The following SLC45A3 variants were observed in gnomAD, a reference collection of about 807,000 sequenced individuals.
The protein encoded by SLC45A3 is prostate cancer associated protein 2.
In SLC45A3, 17 loss-of-function variants were observed where a neutral mutation model predicts 35.3. The ratio of observed to expected loss-of-function variants is 0.48; its 90% CI spans 0.33 to 0.72. The LOEUF (loss-of-function observed/expected upper bound fraction) is 0.72. Ranked by LOEUF, SLC45A3 falls within the 30% of genes least tolerant of loss-of-function variation. The pLI, the probability that SLC45A3 is intolerant of heterozygous loss-of-function variation, is 0.02. For synonymous variants in SLC45A3, 288 were observed against 334.3 expected (o/e 0.86, Z 1.51); for missense variants, 597 against 731.7 (o/e 0.82, Z 2.12).
At chr1:205,675,669 G>A (rs143009508) in intron 1 of SLC45A3, among the ~76,000 whole-genome samples, 2 of 152,128 alleles carry the variant, frequency 1.3e-5, no homozygotes, top group African/African-American at 4.8e-5. Context: ...ATACCTCCAT[G>A]GGCACCCAAA....
chr1:205,673,607 C>G (rs1483391117), intron 1 of SLC45A3, among the ~76,000 whole-genome samples: 1 of 152,190 alleles, frequency 6.6e-6, no homozygotes, highest in Admixed American at 6.5e-5. Flanking sequence ...AAGAGTCAGA[C>G]CATGGTGCTG....
Position 205,659,436 on chromosome 1 carries a change from C to G in SLC45A3, c.1460G>C (p.Gly487Ala). 6.2e-7 allele frequency: 1 copy of G among 1,614,050 alleles called. No individual in the cohort carries two copies. The highest frequency in any genetic ancestry group is 8.5e-7 in the Non-Finnish European group (1 of 1,179,984). ...CAGGATGGCGAGGTCCAGGCAGATG[C>G]CCCGGCCCGGAACCACCCTGGCCTC... ...PTEARVVPGRGICLDLAILDS... is the reference protein window; with the variant it reads ...PTEARVVPGRAICLDLAILDS... The change falls in exon 5 of 5, where the codon GGC becomes GCC. Residue 487 changes from glycine (G) to alanine (A), a missense_variant. By Grantham distance (60) the Gly-to-Ala change is moderately conservative (BLOSUM62 0). Transcript: ENST00000367145. The surrounding 1 kb of genome is among the most constrained non-coding windows in gnomAD (Gnocchi z 5.8).
In SLC45A3 at chr1:205,663,202, C is replaced by T; in HGVS notation, c.589G>A (p.Glu197Lys). ...ALAPYLGTQE[E>K]CLFGLLTLIF... The stretch of plus-strand genomic sequence containing the variant: ...AGGGTGAGCAGGCCAAAGAGGCACT[C>T]CTCCTGGGTGCCCAGGTAGGGGGCC... The change falls in exon 3 of 5, where the codon GAG becomes AAG. Residue 197 changes from glutamate (E) to lysine (K), a missense_variant. By Grantham distance (56) the Glu-to-Lys change is moderately conservative (BLOSUM62 1). This residue lies in a region of SLC45A3 where 555 missense variants were observed against 664.9 expected (regional missense o/e 0.83). Coordinates refer to ENST00000367145, the MANE Select transcript of SLC45A3 (RefSeq NM_033102.3). 6.2e-7 allele frequency: 1 copy of T among 1,613,362 alleles called. No homozygotes were observed. Among genetic ancestry groups the T allele is most frequent in the Non-Finnish European group, 8.5e-7 (1 of 1,179,982 alleles).
In SLC45A3 at chr1:205,662,104, C is replaced by T; in HGVS notation, c.981G>A (p.Gly327=). 1 of 1,613,408 alleles carries T rather than the reference C, an allele frequency of 6.2e-7. No individual in the cohort carries two copies. The highest frequency in any genetic ancestry group is 8.5e-7 in the Non-Finnish European group (1 of 1,179,562). Residue 327 remains glycine (G), a synonymous_variant, in exon 4 of 5, where the codon GGG becomes GGA. Coordinates refer to ENST00000367145, the MANE Select transcript of SLC45A3 (RefSeq NM_033102.3). The surrounding 1 kb of genome is among the most constrained non-coding windows in gnomAD (Gnocchi z 6.2). ...GGGAGATGGCGCACTGCAGGAACAG[C>T]CCCAGGCTGCCCATCCGAACGCCTG... ...YDEGVRMGSL[G]LFLQCAISLV...
intron 1 of SLC45A3, among the ~76,000 whole-genome samples, chr1:205,668,282 A>T (rs1326131797): frequency 6.6e-6 from 1 of 151,256 alleles, no homozygotes; most frequent in Non-Finnish European, 1.5e-5. Flanking sequence ...ACCACAGAGG[A>T]CTCCTGAGCA....
In SLC45A3 at chr1:205,659,379, G is replaced by A. The variant is rs1444909734; in HGVS notation, c.1517C>T (p.Pro506Leu). The A allele has an allele frequency of 3.1e-6, 5 of 1,614,212 alleles. No individual in the cohort carries two copies. The South Asian group carries it at 4.4e-5, about 14-fold the overall frequency. Residue 506 changes from proline (P) to leucine (L), a missense_variant, in exon 5 of 5, where the codon CCA becomes CTA. Around this residue, in one of 3 missense-constraint regions of SLC45A3, gnomAD observed 555 missense variants for 664.9 expected, o/e 0.83. Transcript: ENST00000367145. The surrounding 1 kb of genome is among the most constrained non-coding windows in gnomAD (Gnocchi z 5.8). ...GACAATGGAGCCCATAAACAGGGAT[G>A]GGGCCACCTGGGACAGCAGGAAGGC... ...DSAFLLSQVA[P>L]SLFMGSIVQL...
In SLC45A3 at chr1:205,662,813, G is replaced by A; in HGVS notation, c.958+20C>T. On this transcript the variant is annotated intron_variant, in intron 3 of 4. Transcript: ENST00000367145. The surrounding 1 kb of genome is among the most constrained non-coding windows in gnomAD (Gnocchi z 6.2). ...GTGGGCGGCTCCCACACCAGCCTCT[G>A]CTGGCTGCCAAGGCCTTACCTTCAT... is the stretch of plus-strand genomic sequence containing the variant. 1 of 1,553,594 alleles carries A rather than the reference G, an allele frequency of 6.4e-7. No individual in the cohort carries two copies. The highest frequency in any genetic ancestry group is 8.7e-7 in the Non-Finnish European group (1 of 1,146,364).
intron 1 of SLC45A3, among the ~76,000 whole-genome samples, chr1:205,677,869 T>C (rs1401375273): frequency 1.3e-5 from 2 of 152,228 alleles, no homozygotes; most frequent in Non-Finnish European, 2.9e-5. Context: ...CGTAATTATA[T>C]GTTTATAAAT....
intron 1 of SLC45A3, among the ~76,000 whole-genome samples, chr1:205,677,244 C>T (rs1671328517): frequency 6.6e-6 from 1 of 152,170 alleles, no homozygotes; most frequent in South Asian, 2.1e-4. Context: ...AGGAGAGACA[C>T]GGACATCCAG....
chr1:205,662,598 C>CA lies in SLC45A3; in HGVS notation c.958+234dup. On this transcript the variant is annotated intron_variant, in intron 3 of 4. Transcript: ENST00000367145. The surrounding 1 kb of genome is among the most constrained non-coding windows in gnomAD (Gnocchi z 6.2). Reference sequence around the variant, plus strand: ...GAATAAGCTCCGCCTTTCCTTCTGTCAAACTGGGGCAACGACTCTGATCAG... The same window carrying CA: ...GAATAAGCTCCGCCTTTCCTTCTGTCAAAACTGGGGCAACGACTCTGATCAG... 1 of 1,335,088 alleles carries CA rather than the reference C, an allele frequency of 7.5e-7. No individual in the cohort carries two copies. Among genetic ancestry groups the CA allele is most frequent in the Non-Finnish European group, 9.5e-7 (1 of 1,047,782 alleles). The allele number at this position is 1,335,088 out of a possible 1,614,324, so 82.7% of individuals were successfully genotyped here. A position where few individuals can be genotyped will look rare whatever the true frequency, so the allele number is the denominator to read the frequency against.
At chr1:205,677,335 C>T (rs770730630) in intron 1 of SLC45A3, among the ~76,000 whole-genome samples, 11 of 152,252 alleles carry the variant, frequency 7.2e-5, no homozygotes, top group South Asian at 2.1e-4. Context: ...ATCTACGGGC[C>T]GATTCCCTTG....
At position 205,662,152 on chromosome 1, in the gene SLC45A3, C is replaced by A; in HGVS notation, c.959-26G>T. The A allele has an allele frequency of 1.2e-6, 2 of 1,602,692 alleles. No individual in the cohort carries two copies. The highest frequency in any genetic ancestry group is 8.5e-7 in the Non-Finnish European group (1 of 1,173,348). On this transcript the variant is annotated intron_variant, in intron 3 of 4. Transcript: ENST00000367145. This position sits in a 1 kb window ranked among gnomAD's most constrained non-coding sequence, Gnocchi z 6.2. ...CTGCAGAGGGAGAGGGGCCATCAGA[C>A]AGAGCCTGGGAGGGAAGGGTCGGAG... is the stretch of plus-strand genomic sequence containing the variant.
intron 4 of SLC45A3, among the ~76,000 whole-genome samples, chr1:205,661,150 G>C (rs968804103): frequency 2.0e-5 from 3 of 152,160 alleles, no homozygotes; most frequent in Non-Finnish European, 4.4e-5. Context: ...CACTACCTGG[G>C]TTAGGTGGCT....
chr1:205,659,512 C>T lies in SLC45A3; in HGVS notation c.1384G>A (p.Gly462Arg), dbSNP rs774087128. The T allele has an allele frequency of 5.6e-6, 9 of 1,612,032 alleles. No homozygotes were observed. Among genetic ancestry groups the T allele is most frequent in the East Asian group, 2.2e-5 (1 of 44,834 alleles). The change falls in exon 5 of 5, where the codon GGG becomes AGG. Residue 462 changes from glycine (G) to arginine (R), a missense_variant. Physicochemically the swap from Gly to Arg is moderately radical, Grantham distance 125. Transcript: ENST00000367145. This position sits in a 1 kb window ranked among gnomAD's most constrained non-coding sequence, Gnocchi z 5.8. Reference sequence around the variant, plus strand: ...ACGGAGACATCACAGGCAGAGGCCCCGCAGAGCGCGGGTGGAGGTGGGAGC... The same window carrying T: ...ACGGAGACATCACAGGCAGAGGCCCTGCAGAGCGCGGGTGGAGGTGGGAGC... Reference protein sequence around the residue: ...GLLPPPPALCGASACDVSVRV... With the variant: ...GLLPPPPALCRASACDVSVRV...
chr1:205,670,753 C>G (rs1259876378), intron 1 of SLC45A3, among the ~76,000 whole-genome samples: 1 of 152,226 alleles, frequency 6.6e-6, no homozygotes, highest in Non-Finnish European at 1.5e-5. Flanking sequence ...CCATCAAACT[C>G]TCTCCGGCTG....
Position 205,674,996 on chromosome 1 carries a change from G to T in SLC45A3, c.-231+5398C>A, listed in dbSNP as rs577180137. 2.6e-5 allele frequency among the ~76,000 whole-genome samples: 4 copies of T among 152,324 alleles called. No individual in the cohort carries two copies. In the South Asian group the frequency reaches 8.3e-4, roughly 32 times the overall value. On this transcript the variant is annotated intron_variant, in intron 1 of 4. Transcript: ENST00000367145. ...CTCCCAAAGTGCTGGGATTACAGGCGTGAGCCACCGCGCCCAGCCTAAGTA... is the reference window on the plus strand; with the variant it reads ...CTCCCAAAGTGCTGGGATTACAGGCTTGAGCCACCGCGCCCAGCCTAAGTA...
intron 1 of SLC45A3, among the ~76,000 whole-genome samples, chr1:205,668,096 C>T (rs935105739): frequency 6.6e-6 from 1 of 152,126 alleles, no homozygotes. Context: ...CCCAGCGGGT[C>T]CAGAGTCCTC....
intron 4 of SLC45A3, 94 bp downstream of exon 4, chr1:205,661,767 G>T: frequency 2.0e-6 from 3 of 1,510,408 alleles, no homozygotes; most frequent in Admixed American, 4.1e-5. Flanking sequence ...ATTCTCCAAA[G>T]TTGCTTGCCA....
At chr1:205,672,481 C>T (rs891904438) in intron 1 of SLC45A3, among the ~76,000 whole-genome samples, 1 of 152,202 alleles carries the variant, frequency 6.6e-6, no homozygotes, top group Non-Finnish European at 1.5e-5. Flanking sequence ...AGGCGTCTAG[C>T]GTGTGCCAGG....
Sources: allele counts gnomAD v4.1 joint callset (sites outside exome capture counted in the v4.1 genomes callset), GRCh38; gene constraint gnomAD v4.1.1; regional missense constraint gnomAD v4.1.1; non-coding constraint Gnocchi (gnomAD v3.1); transcripts MANE v1.5; gene names NCBI Gene and HGNC (gene_info 2026-07-23, HGNC 2026-07-21).